Variants in OOSP2 observed in about 807,000 individuals in gnomAD.
OOSP2 encodes oocyte secreted protein 2, also known as oocyte-secreted protein 2.
Under a neutral mutation model 13.4 loss-of-function variants are expected in OOSP2, and 7 were observed. The observed-to-expected ratio is 0.52, with a 90% CI of 0.30 to 0.98. The LOEUF (loss-of-function observed/expected upper bound fraction) is 0.98, where lower values mean the gene tolerates loss of function less well. Among genes scored for constraint, OOSP2 ranks in the 50% least tolerant of loss-of-function variants. The pLI, the probability that OOSP2 is intolerant of heterozygous loss-of-function variation, is 0.07. For synonymous variants in OOSP2, 75 were observed against 67.2 expected (o/e 1.12, Z -0.57); for missense variants, 184 against 188.5 (o/e 0.98, Z 0.14).
chr11:60,046,958 T>G lies in OOSP2; in HGVS notation c.362T>G (p.Leu121Arg). ...CTTTTCTTTAGGAAATCAGTGTGGC[T>G]TACACCAGTTTCTACTGAGAATGAA... ...ECSTSRKSVW[L>R]TPVSTENEIK... The change falls in exon 4 of 4, where the codon CTT (leucine) becomes CGT (arginine). Residue 121 changes from leucine to arginine, a missense_variant. Transcript: ENST00000278855. The G allele has an allele frequency of 6.2e-7, 1 of 1,610,754 alleles. No homozygotes were observed. The highest frequency in any genetic ancestry group is 8.5e-7 in the Non-Finnish European group (1 of 1,177,388).
chr11:60,044,557 A>C lies in OOSP2; in HGVS notation c.244-114A>C, dbSNP rs1854985181. The C allele has an allele frequency of 9.9e-6, 5 of 503,318 alleles. No individual in the cohort carries two copies. In the East Asian group the frequency reaches 1.6e-4, roughly 16 times the overall value. The allele number at this position is 503,318 out of a possible 1,614,324, so 31.2% of individuals were successfully genotyped here. ...GTTGTCATATCTTTATTTATATTTA[A>C]GAATGACAGTAGCCATTTTTGAGAT... On this transcript the variant is annotated intron_variant, in intron 2 of 3. Coordinates refer to ENST00000278855, the MANE Select transcript of OOSP2 (RefSeq NM_173801.5).
chr11:60,043,825 G>A (rs906290916), intron 2 of OOSP2, 178 bp downstream of exon 2: 28 of 441,716 alleles, frequency 6.3e-5, no homozygotes, highest in African/African-American at 4.7e-4. Flanking sequence ...GTGTGCACAG[G>A]ACCTTAGATC....
chr11:60,041,883 C>T (rs1371089425), intron 1 of OOSP2, among the ~76,000 whole-genome samples: 1 of 116,176 alleles, frequency 8.6e-6, no homozygotes, highest in African/African-American at 3.2e-5. Context: ...AAAACTCCGT[C>T]TGAAAAACAG....
chr11:60,046,944 G>C lies in OOSP2; in HGVS notation c.348G>C (p.Arg116Ser). Residue 116 changes from arginine to serine, a missense_variant and splice_region_variant, in exon 4 of 4, where the codon AGG becomes AGC. Physicochemically the swap from Arg to Ser is moderately radical, Grantham distance 110. Transcript: ENST00000278855. Reference sequence around the variant, plus strand: ...TGCTTTCTGTTTCCCTTTTCTTTAGGAAATCAGTGTGGCTTACACCAGTTT... The same window carrying C: ...TGCTTTCTGTTTCCCTTTTCTTTAGCAAATCAGTGTGGCTTACACCAGTTT... ...QEIHLECSTS[R>S]KSVWLTPVST... 1 of 1,608,962 alleles carries C rather than the reference G, an allele frequency of 6.2e-7. No individual in the cohort carries two copies. The highest frequency in any genetic ancestry group is 8.5e-7 in the Non-Finnish European group (1 of 1,177,322).
intron 3 of OOSP2, among the ~76,000 whole-genome samples, chr11:60,046,168 G>GCTCTGCCTCTCT (rs1335874781): frequency 6.1e-5 from 9 of 146,526 alleles, no homozygotes; most frequent in Admixed American, 6.1e-4. Context: ...TCTGTCTCTC[G>GCTCTGCCTCTCT]CTCTGCCTCT....
At chr11:60,042,804 C>T (rs1274752263) in intron 1 of OOSP2, among the ~76,000 whole-genome samples, 1 of 152,168 alleles carries the variant, frequency 6.6e-6, no homozygotes, top group Non-Finnish European at 1.5e-5. Context: ...TAACACATTG[C>T]AATTCACTTC....
chr11:60,044,456 A>T (rs1245636443), intron 2 of OOSP2, among the ~76,000 whole-genome samples: 1 of 152,248 alleles, frequency 6.6e-6, no homozygotes, highest in Non-Finnish European at 1.5e-5. Flanking sequence ...AATTTGCTGC[A>T]ATGAATTAAG....
chr11:60,041,472 C>G (rs1239269743), intron 1 of OOSP2, among the ~76,000 whole-genome samples: 1 of 152,056 alleles, frequency 6.6e-6, no homozygotes, highest in Non-Finnish European at 1.5e-5. Flanking sequence ...GAAGCCTGAG[C>G]AAAGGAAGAT....
In OOSP2 at chr11:60,042,702, G is replaced by GGCTGCTCTAGACAAGAATTCT. The variant is rs557714108; in HGVS notation, c.65-766_65-746dup. 3.2e-3 allele frequency among the ~76,000 whole-genome samples: 483 copies of GGCTGCTCTAGACAAGAATTCT among 152,108 alleles called. 2 individuals are homozygous for GGCTGCTCTAGACAAGAATTCT. The highest frequency in any genetic ancestry group is 4.8e-3 in the South Asian group (23 of 4,812). The stretch of plus-strand genomic sequence containing the variant: ...TATGGCTGAGATTGTTTCTGGTTCT[G>GGCTGCTCTAGACAAGAATTCT]GCTGCTCTAGACAAGAATTCTACTG... On this transcript the variant is annotated intron_variant, in intron 1 of 3. Transcript: ENST00000278855.
intron 1 of OOSP2, among the ~76,000 whole-genome samples, chr11:60,041,134 T>C (rs909816889): frequency 6.6e-6 from 1 of 152,244 alleles, no homozygotes; most frequent in African/African-American, 2.4e-5. Flanking sequence ...ATCTGTAAAG[T>C]AGCATTTCAA....
At chr11:60,044,599 A>C in intron 2 of OOSP2, 72 bp from the exon 3 acceptor site, 1 of 643,718 alleles carries the variant, frequency 1.6e-6, no homozygotes, top group Admixed American at 2.5e-5. Flanking sequence ...TGTTTTTTAC[A>C]TCCTATTCAA....
chr11:60,046,559 C>A (rs1855010604), intron 3 of OOSP2, among the ~76,000 whole-genome samples: 1 of 152,154 alleles, frequency 6.6e-6, no homozygotes, highest in African/African-American at 2.4e-5. Flanking sequence ...ACATATAGAA[C>A]TTTGCTGCCA....
intron 2 of OOSP2, 52 bp downstream of exon 2, chr11:60,043,699 A>C (rs1245161350): frequency 1.0e-6 from 1 of 997,118 alleles, no homozygotes; most frequent in East Asian, 2.4e-5. Flanking sequence ...TCAGACTTTT[A>C]TGCCTAGTAT....
chr11:60,043,497 G>A lies in OOSP2; in HGVS notation c.93G>A (p.Leu31=), dbSNP rs761008071. 1.7e-5 allele frequency: 28 copies of A among 1,613,284 alleles called. No individual in the cohort carries two copies. In the South Asian group the frequency reaches 2.5e-4, roughly 15 times the overall value. The change falls in exon 2 of 4, where the codon TTG becomes TTA. Residue 31 remains leucine, a synonymous_variant. Coordinates refer to ENST00000278855, the MANE Select transcript of OOSP2 (RefSeq NM_173801.5). ...HVKISCSLDW[L]MVSVIPVAES... ...AAATAAGTTGCTCTCTGGACTGGTT[G>A]ATGGTCTCAGTTATCCCAGTTGCAG...
chr11:60,040,640 G>A (rs1854917683), intron 1 of OOSP2, 117 bp downstream of exon 1: 1 of 666,442 alleles, frequency 1.5e-6, no homozygotes, highest in African/African-American at 1.8e-5. Flanking sequence ...GCTAGAAGAA[G>A]AAGCGCTTTC....
At chr11:60,046,211 GTC>G (rs919582791) in intron 3 of OOSP2, among the ~76,000 whole-genome samples, 3 of 136,570 alleles carry the variant, frequency 2.2e-5, no homozygotes, top group Non-Finnish European at 4.8e-5. Context: ...CTCTCTCTCT[GTC>G]TCTCTCTCTT....
At chr11:60,045,122 A>G (rs927312245) in intron 3 of OOSP2, among the ~76,000 whole-genome samples, 1 of 147,088 alleles carries the variant, frequency 6.8e-6, no homozygotes, top group Non-Finnish European at 1.5e-5. Flanking sequence ...TTATCTTTCA[A>G]TGTTTTGTCT....
chr11:60,043,615 T>G lies in OOSP2; in HGVS notation c.211T>G (p.Tyr71Asp), dbSNP rs753098102. The G allele has an allele frequency of 1.2e-6, 2 of 1,607,648 alleles. No homozygotes were observed. The highest frequency in any genetic ancestry group is 1.7e-6 in the Non-Finnish European group (2 of 1,174,408). Residue 71 changes from tyrosine to aspartate, a missense_variant, in exon 2 of 4, where the codon TAT (tyrosine) becomes GAT (aspartate). Coordinates refer to ENST00000278855, the MANE Select transcript of OOSP2 (RefSeq NM_173801.5). ...ACATACATATGTATATGAGTTTATATATCTTGTTCGTGATTGTGGCATCAG... is the reference window on the plus strand; with the variant it reads ...ACATACATATGTATATGAGTTTATAGATCTTGTTCGTGATTGTGGCATCAG... ...RIHTYVYEFI[Y>D]LVRDCGIRTR...
chr11:60,045,623 A>ATTTGT lies in OOSP2; in HGVS notation c.347+849_347+850insTTTGT, dbSNP rs57168587. Among the ~76,000 whole-genome samples, 3 of 151,870 alleles carry ATTTGT rather than the reference A, an allele frequency of 2.0e-5. No homozygotes were observed. The East Asian group carries it at 5.8e-4, about 29-fold the overall frequency. ...TATACATAATCTTGTACATTTGTAC[A>ATTTGT]AGTTGTAAATTTGTTAAAATGTATA... On this transcript the variant is annotated intron_variant, in intron 3 of 3. Coordinates refer to ENST00000278855, the MANE Select transcript of OOSP2 (RefSeq NM_173801.5).
Sources: allele counts gnomAD v4.1 joint callset (sites outside exome capture counted in the v4.1 genomes callset), GRCh38; gene constraint gnomAD v4.1.1; transcripts MANE v1.5; gene names NCBI Gene and HGNC (gene_info 2026-07-23, HGNC 2026-07-21).